The following SPTBN1 variants were observed in gnomAD, a reference collection of about 807,000 sequenced individuals.
SPTBN1 encodes spectrin beta chain, non-erythrocytic 1.
In SPTBN1, 32 loss-of-function variants were observed where a neutral mutation model predicts 266.4. That is an observed-to-expected ratio of 0.12 (90% CI 0.09 to 0.16). The LOEUF is 0.16. Ranked by LOEUF, SPTBN1 falls within the 10% of genes least tolerant of loss-of-function variation. SPTBN1 has a pLI of 1.00. For synonymous variants in SPTBN1, 1,336 were observed against 1,162.2 expected (o/e 1.15, Z -3.04); for missense variants, 2,296 against 3,067.1 (o/e 0.75, Z 5.94).
chr2:54,474,790 C>T lies in SPTBN1; in HGVS notation c.-48+18272C>T, dbSNP rs569353592. ...TGGATGAGATTCCTTGTGATTTTTG[C>T]TTTTGTCTCAGAGCTGTTTTGTATT... On this transcript the variant is annotated intron_variant, in intron 1 of 35. Coordinates refer to ENST00000356805, the MANE Select transcript of SPTBN1 (RefSeq NM_003128.3). Among the ~76,000 whole-genome samples the T allele has an allele frequency of 4.6e-5, 7 of 152,188 alleles. No homozygotes were observed. The South Asian group carries it at 8.3e-4, about 18-fold the overall frequency.
chr2:54,461,590 A>G (rs1693372485), intron 1 of SPTBN1, among the ~76,000 whole-genome samples: 1 of 152,262 alleles, frequency 6.6e-6, no homozygotes, highest in African/African-American at 2.4e-5. Context: ...TACAGTTCCA[A>G]AGCCTTGCCA....
chr2:54,605,213 T>C (rs1033956283), intron 3 of SPTBN1, among the ~76,000 whole-genome samples: 2 of 152,146 alleles, frequency 1.3e-5, no homozygotes, highest in African/African-American at 4.8e-5. Flanking sequence ...TTTGGCAATA[T>C]AAAAATAGCT....
At chr2:54,518,990 T>C (rs1021808389) in intron 1 of SPTBN1, among the ~76,000 whole-genome samples, 1 of 152,136 alleles carries the variant, frequency 6.6e-6, no homozygotes, top group African/African-American at 2.4e-5. Context: ...TTATAAAATA[T>C]TCACTCTTTC....
intron 24 of SPTBN1, among the ~76,000 whole-genome samples, chr2:54,648,051 A>T (rs1170824367): frequency 6.6e-6 from 1 of 152,240 alleles, no homozygotes; most frequent in African/African-American, 2.4e-5. Context: ...CTTCGATATC[A>T]AGTGATTAGA....
intron 2 of SPTBN1, among the ~76,000 whole-genome samples, chr2:54,592,041 C>G (rs1029413958): frequency 6.6e-6 from 1 of 152,070 alleles, no homozygotes; most frequent in Non-Finnish European, 1.5e-5. Context: ...ATGGTGCATG[C>G]CTGTAATCCT....
intron 2 of SPTBN1, among the ~76,000 whole-genome samples, chr2:54,559,363 A>G (rs1558838826): frequency 1.3e-5 from 2 of 152,144 alleles, no homozygotes; most frequent in African/African-American, 2.4e-5. Flanking sequence ...TTGGTAAATT[A>G]CAGTTTTTTA....
intron 18 of SPTBN1, among the ~76,000 whole-genome samples, chr2:54,641,286 A>G (rs1442379550): frequency 6.7e-6 from 1 of 148,730 alleles, no homozygotes; most frequent in Non-Finnish European, 1.5e-5. Context: ...TCTGATTTTT[A>G]TGTAGCGCGC....
At chr2:54,481,406 G>A (rs1329336826) in intron 1 of SPTBN1, among the ~76,000 whole-genome samples, 1 of 90,476 alleles carries the variant, frequency 1.1e-5, no homozygotes, top group Non-Finnish European at 2.3e-5. Context: ...GTGTGTGTGT[G>A]TGTGTGTGTG....
At chr2:54,662,450 C>A in intron 32 of SPTBN1, 1 of 355,884 alleles carries the variant, frequency 2.8e-6, no homozygotes, top group Non-Finnish European at 3.9e-6. Context: ...CTTCCCTGGC[C>A]TTCATCTACC....
At chr2:54,641,619 A>T (rs192352797) in intron 18 of SPTBN1, among the ~76,000 whole-genome samples, 1 of 152,300 alleles carries the variant, frequency 6.6e-6, no homozygotes. Context: ...TTTTCCCTCA[A>T]CAAAGAGTGA....
chr2:54,471,800 A>ATTTTTTTTTTTTTTTTGTTTTTTTTTTT (rs1693934681), intron 1 of SPTBN1, among the ~76,000 whole-genome samples: 1 of 102,716 alleles, frequency 9.7e-6, no homozygotes, highest in Non-Finnish European at 1.9e-5. Context: ...TTTTTTATCG[A>ATTTTTTTTTTTTTTTTGTTTTTTTTTTT]TTTTTTTTTT....
chr2:54,554,413 T>TG lies in SPTBN1; in HGVS notation c.148+27849dup, dbSNP rs1260650850. Among the ~76,000 whole-genome samples, 1 of 152,186 alleles carries TG rather than the reference T, an allele frequency of 6.6e-6. No individual in the cohort carries two copies. Among genetic ancestry groups the TG allele is most frequent in the Non-Finnish European group, 1.5e-5 (1 of 68,018 alleles). On this transcript the variant is annotated intron_variant, in intron 2 of 35. Transcript: ENST00000356805. This position sits in a 1 kb window ranked among gnomAD's most constrained non-coding sequence, Gnocchi z 4.5. The stretch of plus-strand genomic sequence containing the variant: ...GGTTAGTCACTTGAGAAAATATATG[T>TG]GGAAGCATTCTGTAAGCTACCAAGT...
At chr2:54,470,473 C>T (rs754154519) in intron 1 of SPTBN1, among the ~76,000 whole-genome samples, 2 of 152,116 alleles carry the variant, frequency 1.3e-5, no homozygotes, top group African/African-American at 4.8e-5. Context: ...GGTAGCTGGC[C>T]TATCTCTGGA....
Position 54,478,156 on chromosome 2 carries a change from C to T in SPTBN1, c.-48+21638C>T, listed in dbSNP as rs141218219. Among the ~76,000 whole-genome samples, 421 of 152,192 alleles carry T rather than the reference C, an allele frequency of 2.8e-3. 2 individuals are homozygous for T. The highest frequency in any genetic ancestry group is 5.4e-3 in the Non-Finnish European group (369 of 68,010). On this transcript the variant is annotated intron_variant, in intron 1 of 35. Coordinates refer to ENST00000356805, the MANE Select transcript of SPTBN1 (RefSeq NM_003128.3). Reference sequence around the variant, plus strand: ...GATATGACAAACATGGGAACCTGCACCAGTTGCCACAGAGCTGTCCGATCC... The same window carrying T: ...GATATGACAAACATGGGAACCTGCATCAGTTGCCACAGAGCTGTCCGATCC...
In SPTBN1 at chr2:54,615,288, G is replaced by A. The variant is rs565830743; in HGVS notation, c.475-919G>A. On this transcript the variant is annotated intron_variant, in intron 4 of 35. Transcript: ENST00000356805. The stretch of plus-strand genomic sequence containing the variant: ...TGTTTGTAGATTGAATGGAGTGAAG[G>A]TAGTGGGGAGCATGACAGAGCAGCG... 9.5e-4 allele frequency among the ~76,000 whole-genome samples: 145 copies of A among 152,240 alleles called. 1 individual carries two copies. Among genetic ancestry groups the A allele is most frequent in the African/African-American group, 3.4e-3 (143 of 41,540 alleles).
chr2:54,559,017 C>T, intron 2 of SPTBN1: 1 of 1,044,222 alleles, frequency 9.6e-7, no homozygotes, highest in South Asian at 1.8e-5. Flanking sequence ...GCTGCGGGCA[C>T]CCCATTCACG....
intron 2 of SPTBN1, among the ~76,000 whole-genome samples, chr2:54,598,299 C>T (rs1676239632): frequency 6.6e-6 from 1 of 152,198 alleles, no homozygotes; most frequent in African/African-American, 2.4e-5. Context: ...CGAAGGATCA[C>T]AGTATGGAGA....
chr2:54,526,617 GC>G lies in SPTBN1; in HGVS notation c.148+55del, dbSNP rs761931867. On this transcript the variant is annotated intron_variant, in intron 2 of 35. Coordinates refer to ENST00000356805, the MANE Select transcript of SPTBN1 (RefSeq NM_003128.3). ...GGCCCAGGATGCCTAAAATCAGGAT[GC>G]CCCTTAAAATCATCCACCCTGTTCC... The G allele has an allele frequency of 2.5e-6, 4 of 1,577,750 alleles. No homozygotes were observed. In the Admixed American group the frequency reaches 5.4e-5, roughly 21 times the overall value.
intron 3 of SPTBN1, among the ~76,000 whole-genome samples, chr2:54,603,218 C>T (rs1466572242): frequency 3.3e-5 from 5 of 152,096 alleles, no homozygotes; most frequent in Non-Finnish European, 5.9e-5. Context: ...CTTCACAGGC[C>T]GGGCAGCCAG....
Sources: gnomAD v4.1 joint callset for allele counts (sites outside exome capture counted in the v4.1 genomes callset) on GRCh38, gnomAD v4.1.1 for gene constraint, Gnocchi (gnomAD v3.1) non-coding constraint, MANE v1.5 for transcripts, NCBI Gene and HGNC (gene_info 2026-07-23, HGNC 2026-07-21) for gene names.